Variants in TAF1 observed in about 807,000 individuals in gnomAD.
TAF1 encodes the protein TATA-box binding protein associated factor 1, also known as transcription initiation factor TFIID subunit 1.
In TAF1, 2 loss-of-function variants were observed where a neutral mutation model predicts 138.5. The ratio of observed to expected loss-of-function variants is 0.01; its 90% CI spans 0.01 to 0.05. TAF1 has a LOEUF of 0.05. Ranked by LOEUF, TAF1 falls within the 10% of genes least tolerant of loss-of-function variation. The probability of loss-of-function intolerance (pLI) is 1.00; values close to 1 mark genes in which losing one functional copy is unlikely to be tolerated. For missense variants in TAF1, 709 were observed against 1,478.0 expected, an observed-to-expected ratio of 0.48 and a Z score of 8.53; for synonymous variants, 437 against 503.2, an observed-to-expected ratio of 0.87 and a Z score of 1.76.
rs755015125 is a variant in TAF1, at chrX:71,407,650, A to G, written c.4184A>G (p.Asn1395Ser). The change falls in exon 27 of 38, where the codon AAT (asparagine) becomes AGT (serine). Residue 1395 changes from asparagine to serine, a missense_variant. Coordinates refer to ENST00000423759, the MANE Select transcript of TAF1 (RefSeq NM_004606.5). ...TLSSILESII[N>S]DMRDLPNTYP... is the part of the protein sequence containing the mutation. Reference sequence around the variant, plus strand: ...TCGTCCATCTTGGAGTCTATCATCAATGACATGAGAGATCTTCCAAATGTG... The same window carrying G: ...TCGTCCATCTTGGAGTCTATCATCAGTGACATGAGAGATCTTCCAAATGTG... 3.3e-6 allele frequency: 4 copies of G among 1,210,759 alleles called. No homozygotes were observed. The highest frequency in any genetic ancestry group is 4.5e-6 in the Non-Finnish European group (4 of 894,585).
intron 13 of TAF1, among the ~76,000 whole-genome samples, chrX:71,477,226 A>C (rs765400781): frequency 2.5e-4 from 28 of 111,564 alleles, no homozygotes; most frequent in African/African-American, 8.8e-4. Context: ...GGCATGATCC[A>C]CTGTGCCTGG....
At chrX:71,376,683 C>A (rs1344047344) in intron 4 of TAF1, among the ~76,000 whole-genome samples, 2 of 108,176 alleles carry the variant, frequency 1.8e-5, no homozygotes, top group Non-Finnish European at 3.8e-5. Flanking sequence ...AAAAAAACAA[C>A]AAAAAATCGG....
chrX:71,404,951 CTT>C (rs1170234048), intron 25 of TAF1, among the ~76,000 whole-genome samples: 10 of 74,853 alleles, frequency 1.3e-4, no homozygotes, highest in South Asian at 6.3e-4. Flanking sequence ...TTATTCCAAA[CTT>C]TTTTTTTTTT....
Position 71,407,643 on chromosome X carries a change from A to G in TAF1, c.4177A>G (p.Ile1393Val), listed in dbSNP as rs753939705. The change falls in exon 27 of 38, where the codon ATC becomes GTC. Residue 1393 changes from isoleucine to valine, a missense_variant. By Grantham distance (29) the Ile-to-Val change is conservative. Coordinates refer to ENST00000423759, the MANE Select transcript of TAF1 (RefSeq NM_004606.5). ...MVTLSSILES[I>V]INDMRDLPNT... is the part of the protein sequence containing the mutation. Reference sequence around the variant, plus strand: ...GACGCTGTCGTCCATCTTGGAGTCTATCATCAATGACATGAGAGATCTTCC... The same window carrying G: ...GACGCTGTCGTCCATCTTGGAGTCTGTCATCAATGACATGAGAGATCTTCC... 6.6e-6 allele frequency: 8 copies of G among 1,209,482 alleles called. No individual in the cohort carries two copies. The highest frequency in any genetic ancestry group is 3.5e-5 in the African/African-American group (2 of 57,182).
chrX:71,476,515 C>A (rs780549065), intron 13 of TAF1, among the ~76,000 whole-genome samples: 4 of 109,927 alleles, frequency 3.6e-5, no homozygotes, highest in African/African-American at 1.3e-4. Flanking sequence ...TGGTGGTACA[C>A]GCCTGTGGTC....
chrX:71,499,870 T>A (rs2039465328), intron 13 of TAF1, among the ~76,000 whole-genome samples: 1 of 112,114 alleles, frequency 8.9e-6, no homozygotes, highest in Non-Finnish European at 1.9e-5. Context: ...CCAAGTGAGA[T>A]CGAAGGTTTG....
chrX:71,508,070 C>G (rs1464603067), intron 13 of TAF1, among the ~76,000 whole-genome samples: 1 of 94,487 alleles, frequency 1.1e-5, no homozygotes, highest in Non-Finnish European at 2.1e-5. Flanking sequence ...TGAATATTCT[C>G]TCTCTCTCTC....
At chrX:71,454,631 G>T (rs1443549088) in intron 33 of TAF1, 110 bp from the exon 34 acceptor site, 7 of 623,657 alleles carry the variant, frequency 1.1e-5, no homozygotes, top group South Asian at 3.2e-5. Context: ...TCTGTGTCCT[G>T]CCACTAGAAT....
Position 71,394,183 on chromosome X carries a change from G to C in TAF1, c.3344G>C (p.Ser1115Thr). The C allele has an allele frequency of 4.1e-6, 5 of 1,212,028 alleles. No individual in the cohort carries two copies. The highest frequency in any genetic ancestry group is 5.6e-6 in the Non-Finnish European group (5 of 895,616). Residue 1115 changes from serine (S) to threonine (T), a missense_variant, in exon 22 of 38, where the codon AGC (serine) becomes ACC (threonine). Coordinates refer to ENST00000423759, the MANE Select transcript of TAF1 (RefSeq NM_004606.5). ...IENMLQNKKT[S>T]SQLSREREEQ... ...AACATGTTGCAGAACAAGAAAACCA[G>C]CTCTCAGCTTTCACGTGAACGGGAG...
chrX:71,377,277 T>C lies in TAF1; in HGVS notation c.714+86T>C, dbSNP rs28382157. 7,800 of 1,149,227 alleles carry C rather than the reference T, an allele frequency of 6.8e-3. 328 individuals are homozygous for C. The African/African-American group carries it at 0.12, about 18-fold the overall frequency. The allele number at this position is 1,149,227 out of a possible 1,213,427, so 94.7% of individuals were successfully genotyped here. On this transcript the variant is annotated intron_variant, in intron 5 of 37. Transcript: ENST00000423759. The stretch of plus-strand genomic sequence containing the variant: ...TGTTGTTAAGATGCTGAGTATGGAA[T>C]GGGGTTTCCTTACTCAGTGACATAT...
At chrX:71,493,479 C>A (rs888916142) in intron 13 of TAF1, among the ~76,000 whole-genome samples, 3 of 112,796 alleles carry the variant, frequency 2.7e-5, no homozygotes, top group African/African-American at 9.7e-5. Context: ...TCTGCATTCA[C>A]TGCTGTTGTA....
intron 6 of TAF1, 34 bp from the exon 7 acceptor site, chrX:71,378,201 A>G (rs1344098476): frequency 8.4e-7 from 1 of 1,193,723 alleles, no homozygotes; most frequent in African/African-American, 1.8e-5. Context: ...GGATCAGGAA[A>G]TTCTCCCTGC....
rs776917756 is a variant in TAF1, at chrX:71,377,608, A to G, written c.720A>G (p.Leu240=). The change falls in exon 6 of 38, where the codon TTA becomes TTG. Residue 240 remains leucine, a synonymous_variant. Transcript: ENST00000423759. ...TAATGTATTCTGTGTTCTAGGTGTT[A>G]CGTTTTCTACGTCTTTTTGGACCAG... ...LFPEFRPGKV[L]RFLRLFGPGK... is the part of the protein sequence containing the mutation. 4.1e-6 allele frequency: 5 copies of G among 1,210,421 alleles called. No homozygotes were observed. The highest frequency in any genetic ancestry group is 5.6e-6 in the Non-Finnish European group (5 of 895,164).
Position 71,366,509 on chromosome X carries a change from GTGGGGGTAGGGCTC to G in TAF1, c.120+16_120+29del. On this transcript the variant is annotated intron_variant, in intron 1 of 37. Transcript: ENST00000423759. ...TCTTGGATGATGTGAGGGGGTGGGC[GTGGGGGTAGGGCTC>G]GGGGGGTGGGGCTAAGCAGAGGAAG... is the stretch of plus-strand genomic sequence containing the variant. 1.9e-6 allele frequency: 2 copies of G among 1,031,905 alleles called. No individual in the cohort carries two copies. The highest frequency in any genetic ancestry group is 3.1e-5 in the Admixed American group (1 of 32,680). The allele number at this position is 1,031,905 out of a possible 1,213,427, so 85.0% of individuals were successfully genotyped here. A position where few individuals can be genotyped will look rare whatever the true frequency, so the allele number is the denominator to read the frequency against.
At chrX:71,486,302 G>T (rs768489593) in intron 13 of TAF1, among the ~76,000 whole-genome samples, 6 of 110,930 alleles carry the variant, frequency 5.4e-5, no homozygotes, top group Non-Finnish European at 1.1e-4. Flanking sequence ...CTTCTGCCTC[G>T]GCCTCCCAAA....
intron 13 of TAF1, among the ~76,000 whole-genome samples, chrX:71,519,309 C>T (rs1280173412): frequency 2.2e-4 from 22 of 99,570 alleles, no homozygotes; most frequent in East Asian, 9.5e-4. Flanking sequence ...GGCGACAGAG[C>T]GAGACTCCGT....
At position 71,508,086 on chromosome X, in the gene TAF1, C is replaced by CTATATA. The variant is rs1556033075; in HGVS notation, c.1367-20434_1367-20429dup. 1.1e-3 allele frequency among the ~76,000 whole-genome samples: 100 copies of CTATATA among 92,174 alleles called. 1 individual carries two copies. Among genetic ancestry groups the CTATATA allele is most frequent in the Middle Eastern group, 5.7e-3 (1 of 175 alleles). 80.0% of individuals were successfully genotyped at this position (92,174 alleles called of 115,157 possible). A position where few individuals can be genotyped will look rare whatever the true frequency, so the allele number is the denominator to read the frequency against. On this transcript the variant is annotated intron_variant and NMD_transcript_variant, in intron 13 of 14. Transcript: ENST00000373775. ...GAATATTCTCTCTCTCTCTCTCTCT[C>CTATATA]TATATATATATATATATATATATAT...
In TAF1 at chrX:71,371,217, A is replaced by T. The variant is rs748962311; in HGVS notation, c.352+3047A>T. 2.7e-5 allele frequency among the ~76,000 whole-genome samples: 3 copies of T among 111,809 alleles called. No individual in the cohort carries two copies. In the East Asian group the frequency reaches 8.4e-4, roughly 31 times the overall value. ...TTTGACAGAATCTCAGTACTCTGGG[A>T]TGCTCATTTCTAAGTTCTCTTGTCC... On this transcript the variant is annotated intron_variant, in intron 3 of 37. Coordinates refer to ENST00000423759, the MANE Select transcript of TAF1 (RefSeq NM_004606.5).
rs199818741 is a variant in TAF1 at position 71,438,493 on chromosome X, GT to G, written c.4753+14256del. Among the ~76,000 whole-genome samples, 786 of 111,797 alleles carry G rather than the reference GT, an allele frequency of 7.0e-3. 10 individuals are homozygous for G. The highest frequency in any genetic ancestry group is 0.024 in the African/African-American group (743 of 30,829). The stretch of plus-strand genomic sequence containing the variant: ...ACAGCCAGACTTCTTTTATGAATAT[GT>G]AACGTCTCTCACTATTTTCTTTGTC... On this transcript the variant is annotated intron_variant, in intron 32 of 37. Coordinates refer to ENST00000423759, the MANE Select transcript of TAF1 (RefSeq NM_004606.5).
Sources: gnomAD v4.1 joint callset for allele counts (sites outside exome capture counted in the v4.1 genomes callset) on GRCh38, gnomAD v4.1.1 for gene constraint, MANE v1.5 for transcripts, NCBI Gene and HGNC (gene_info 2026-07-23, HGNC 2026-07-21) for gene names.